Variants in GPR26 observed in about 807,000 individuals in gnomAD.
GPR26 encodes the protein G protein-coupled receptor 26.
A neutral mutation model predicts 23.1 loss-of-function variants in GPR26; 15 were observed. That is an observed-to-expected ratio of 0.65 (90% CI 0.43 to 1.00). GPR26 has a LOEUF of 1.00. Ranked by LOEUF, GPR26 falls within the 50% of genes least tolerant of loss-of-function variation. GPR26 has a pLI of 0.00. For synonymous variants in GPR26, 228 were observed against 222.1 expected (o/e 1.03, Z -0.24); for missense variants, 359 against 470.5 (o/e 0.76, Z 2.19).
In GPR26 at chr10:123,695,829, C is replaced by A. The variant is rs1271031081; in HGVS notation, c.*7669C>A. Among the ~76,000 whole-genome samples the A allele has an allele frequency of 1.3e-5, 2 of 152,216 alleles. No individual in the cohort carries two copies. The highest frequency in any genetic ancestry group is 6.5e-5 in the Admixed American group (1 of 15,288). On this transcript the variant is annotated 3_prime_UTR_variant, in exon 3 of 3. Transcript: ENST00000284674. ...TGAAATTGTTCCAAACCTCAACACT[C>A]CTGTTTTACAACAAACATGTAAATA...
At position 123,688,584 on chromosome 10, in the gene GPR26, G is replaced by A; in HGVS notation, c.*424G>A. The A allele has an allele frequency of 9.9e-6, 2 of 201,056 alleles. No homozygotes were observed. Among genetic ancestry groups the A allele is most frequent in the South Asian group, 2.0e-4 (2 of 10,074 alleles). The allele number at this position is 201,056 out of a possible 1,614,324, so 12.5% of individuals were successfully genotyped here. ...AGTCTCCAGGGGACATTTCAGCCATGCTGAAAGGGAGGCTGGCAGTGGTCA... is the reference window on the plus strand; with the variant it reads ...AGTCTCCAGGGGACATTTCAGCCATACTGAAAGGGAGGCTGGCAGTGGTCA... On this transcript the variant is annotated 3_prime_UTR_variant, in exon 3 of 3. Coordinates refer to ENST00000284674, the MANE Select transcript of GPR26 (RefSeq NM_153442.4).
At chr10:123,667,657 TG>T (rs1564729078) in intron 1 of GPR26, among the ~76,000 whole-genome samples, 1 of 142,902 alleles carries the variant, frequency 7.0e-6, no homozygotes, top group Non-Finnish European at 1.5e-5. Flanking sequence ...AGGGGTGGGG[TG>T]GGGGGCTCTT....
chr10:123,674,677 G>A lies in GPR26; in HGVS notation c.669-141G>A. 1 of 589,848 alleles carries A rather than the reference G, an allele frequency of 1.7e-6. No individual in the cohort carries two copies. Among genetic ancestry groups the A allele is most frequent in the East Asian group, 2.9e-5 (1 of 35,056 alleles). The allele number at this position is 589,848 out of a possible 1,614,324, so 36.5% of individuals were successfully genotyped here. ...TGCTTGCCCAAGGTCAATAGCTACAGCCAAGAGTTGACGCTGGGTCTTTCC... is the reference window on the plus strand; with the variant it reads ...TGCTTGCCCAAGGTCAATAGCTACAACCAAGAGTTGACGCTGGGTCTTTCC... On this transcript the variant is annotated intron_variant, in intron 1 of 2. Coordinates refer to ENST00000284674, the MANE Select transcript of GPR26 (RefSeq NM_153442.4). The surrounding 1 kb of genome is among the most constrained non-coding windows in gnomAD (Gnocchi z 4.1).
chr10:123,666,867 G>A lies in GPR26; in HGVS notation c.460G>A (p.Ala154Thr), dbSNP rs777801682. The change falls in exon 1 of 3, where the codon GCC becomes ACC. Residue 154 changes from alanine to threonine, a missense_variant. Ala to Thr is a moderately conservative substitution (Grantham distance 58). Coordinates refer to ENST00000284674, the MANE Select transcript of GPR26 (RefSeq NM_153442.4). ...LSWLGFHQLY[A>T]SCTLCSRRPD... ...CTGGCTCGGCTTCCACCAGCTGTAC[G>A]CCTCGTGCACGCTGTGCAGCCGGCG... 1.9e-6 allele frequency: 3 copies of A among 1,611,050 alleles called. No homozygotes were observed. The highest frequency in any genetic ancestry group is 2.2e-5 in the South Asian group (2 of 90,840).
intron 1 of GPR26, among the ~76,000 whole-genome samples, chr10:123,673,343 T>C (rs1408631507): frequency 6.6e-6 from 1 of 152,214 alleles, no homozygotes; most frequent in East Asian, 1.9e-4. Flanking sequence ...GCATTAGCGA[T>C]GTACATGAAC....
rs1845479981 is a variant in GPR26 at position 123,690,441 on chromosome 10, T to G, written c.*2281T>G. On this transcript the variant is annotated 3_prime_UTR_variant, in exon 3 of 3. Transcript: ENST00000284674. ...CTCTTTCTGCTTTCTCTGTACTGTA[T>G]AGGCAACATGTTGTACTCCCAGTAG... 2 of 152,222 alleles carry G rather than the reference T, an allele frequency of 1.3e-5. No individual in the cohort carries two copies. Among genetic ancestry groups the G allele is most frequent in the African/African-American group, 4.8e-5 (2 of 41,452 alleles). 9.4% of individuals were successfully genotyped at this position (152,222 alleles called of 1,614,324 possible). A position where few individuals can be genotyped will look rare whatever the true frequency, so the allele number is the denominator to read the frequency against.
intron 1 of GPR26, among the ~76,000 whole-genome samples, chr10:123,673,193 A>G (rs781287646): frequency 6.6e-6 from 1 of 152,202 alleles, no homozygotes; most frequent in Non-Finnish European, 1.5e-5. Flanking sequence ...AGTCAGGGGG[A>G]AAAATCTTGG....
intron 2 of GPR26, among the ~76,000 whole-genome samples, chr10:123,675,855 TAA>T (rs67529964): frequency 0.012 from 1,730 of 147,602 alleles, 42 homozygotes; most frequent in African/African-American, 0.04. Flanking sequence ...TGTGTGTGTG[TAA>T]GAGAGAGAGA....
chr10:123,695,924 G>C lies in GPR26; in HGVS notation c.*7764G>C, dbSNP rs1231062011. ...CACCAACCCCATCAGGATTTCCCCA[G>C]GGGAAAATGGCTAACTCTGGATCAC... On this transcript the variant is annotated 3_prime_UTR_variant, in exon 3 of 3. Transcript: ENST00000284674. Among the ~76,000 whole-genome samples the C allele has an allele frequency of 6.6e-6, 1 of 152,124 alleles. No individual in the cohort carries two copies. Among genetic ancestry groups the C allele is most frequent in the Non-Finnish European group, 1.5e-5 (1 of 68,032 alleles).
In GPR26 at chr10:123,695,168, T is replaced by C. The variant is rs535479571; in HGVS notation, c.*7008T>C. Among the ~76,000 whole-genome samples the C allele has an allele frequency of 1.4e-4, 22 of 152,250 alleles. No individual in the cohort carries two copies. The highest frequency in any genetic ancestry group is 2.5e-4 in the Non-Finnish European group (17 of 68,040). ...AGCATCTAGCATTTAAAGGTCAAATTTGATGAGTCTAATCAATCTTAGCAG... is the reference window on the plus strand; with the variant it reads ...AGCATCTAGCATTTAAAGGTCAAATCTGATGAGTCTAATCAATCTTAGCAG... On this transcript the variant is annotated 3_prime_UTR_variant, in exon 3 of 3. Coordinates refer to ENST00000284674, the MANE Select transcript of GPR26 (RefSeq NM_153442.4).
chr10:123,682,521 A>C (rs1845389082), intron 2 of GPR26, among the ~76,000 whole-genome samples: 1 of 152,214 alleles, frequency 6.6e-6, no homozygotes, highest in Non-Finnish European at 1.5e-5. Flanking sequence ...CTCTTCCCAG[A>C]GTCTTTGAGC....
intron 1 of GPR26, among the ~76,000 whole-genome samples, chr10:123,670,969 G>T (rs550799746): frequency 2.6e-5 from 4 of 152,298 alleles, no homozygotes; most frequent in African/African-American, 4.8e-5. Flanking sequence ...AATGTGCAGG[G>T]CCCAGGGCAG....
intron 2 of GPR26, among the ~76,000 whole-genome samples, chr10:123,678,618 C>T (rs776917586): frequency 4.6e-5 from 7 of 152,196 alleles, no homozygotes; most frequent in Non-Finnish European, 1.0e-4. Context: ...CCTTGCCAAT[C>T]CCTCTACCCC....
At chr10:123,670,640 C>T (rs1212808758) in intron 1 of GPR26, among the ~76,000 whole-genome samples, 1 of 152,208 alleles carries the variant, frequency 6.6e-6, no homozygotes, top group African/African-American at 2.4e-5. Flanking sequence ...CCTCCCACCC[C>T]AGCTCTAACC....
In GPR26 at chr10:123,688,190, A is replaced by G. The variant is rs1192668795; in HGVS notation, c.*30A>G. On this transcript the variant is annotated 3_prime_UTR_variant, in exon 3 of 3. Transcript: ENST00000284674. ...CCGCGCTCCTGCTGAAGAGTTTAGA[A>G]TGAGGCAGCGGTGAGAAGAAGGGTG... is the stretch of plus-strand genomic sequence containing the variant. 1.5e-6 allele frequency: 1 copy of G among 660,356 alleles called. No individual in the cohort carries two copies. The highest frequency in any genetic ancestry group is 2.6e-6 in the Non-Finnish European group (1 of 386,878). The allele number at this position is 660,356 out of a possible 1,614,324, so 40.9% of individuals were successfully genotyped here.
chr10:123,687,522 C>T (rs1231775640), intron 2 of GPR26, among the ~76,000 whole-genome samples: 3 of 152,172 alleles, frequency 2.0e-5, no homozygotes, highest in African/African-American at 7.2e-5. Flanking sequence ...CAGCTATTAG[C>T]TAATAGCTGG....
chr10:123,673,902 TTTC>T, intron 1 of GPR26, among the ~76,000 whole-genome samples: 1 of 140,186 alleles, frequency 7.1e-6, no homozygotes, highest in Admixed American at 7.4e-5. Context: ...TTTCTTCTTT[TTTC>T]TTCTTCTTCC....
chr10:123,688,212 G>C lies in GPR26; in HGVS notation c.*52G>C. The C allele has an allele frequency of 9.0e-7, 1 of 1,105,016 alleles. No homozygotes were observed. The allele number at this position is 1,105,016 out of a possible 1,614,324, so 68.5% of individuals were successfully genotyped here. ...AGAATGAGGCAGCGGTGAGAAGAAG[G>C]GTGGGAGGGCGTGGGGGCCCCTGGG... On this transcript the variant is annotated 3_prime_UTR_variant, in exon 3 of 3. Transcript: ENST00000284674.
intron 2 of GPR26, among the ~76,000 whole-genome samples, chr10:123,675,254 AG>A (rs1244157559): frequency 6.6e-6 from 1 of 151,998 alleles, no homozygotes; most frequent in Non-Finnish European, 1.5e-5. Context: ...GAGAAGACAG[AG>A]GGAAACATCA....
Sources: allele counts gnomAD v4.1 joint callset (sites outside exome capture counted in the v4.1 genomes callset), GRCh38; gene constraint gnomAD v4.1.1; non-coding constraint Gnocchi (gnomAD v3.1); transcripts MANE v1.5; gene names NCBI Gene and HGNC (gene_info 2026-07-23, HGNC 2026-07-21).